Variants in ADAM22 observed in about 807,000 individuals in gnomAD.
ADAM22 encodes ADAM metallopeptidase domain 22, also known as disintegrin and metalloproteinase domain-containing protein 22.
A neutral mutation model predicts 144.6 loss-of-function variants in ADAM22; 65 were observed. The ratio of observed to expected loss-of-function variants is 0.45; its 90% confidence interval spans 0.37 to 0.55. The LOEUF (loss-of-function observed/expected upper bound fraction) is 0.55, where lower values mean the gene tolerates loss of function less well. Ranked by LOEUF, ADAM22 falls within the 20% of genes least tolerant of loss-of-function variation. The probability of loss-of-function intolerance (pLI) is 0.00; values close to 1 mark genes in which losing one functional copy is unlikely to be tolerated. For synonymous variants in ADAM22, 391 were observed against 412.6 expected (o/e 0.95, Z 0.63); for missense variants, 974 against 1,184.9 (o/e 0.82, Z 2.61).
At chr7:88,118,980 A>G (rs545013352) in intron 7 of ADAM22, among the ~76,000 whole-genome samples, 1 of 152,382 alleles carries the variant, frequency 6.6e-6, no homozygotes, top group East Asian at 1.9e-4. Flanking sequence ...TATAGATTAC[A>G]TAAAGTTTAA....
chr7:88,164,863 AGCCAG>A (rs1413515687), intron 23 of ADAM22, among the ~76,000 whole-genome samples: 1 of 152,144 alleles, frequency 6.6e-6, no homozygotes, highest in African/African-American at 2.4e-5. Flanking sequence ...TGCTTGAAGA[AGCCAG>A]GCGACCTGAT....
chr7:88,055,327 G>A (rs1418534507), intron 3 of ADAM22, among the ~76,000 whole-genome samples: 1 of 151,768 alleles, frequency 6.6e-6, no homozygotes, highest in Non-Finnish European at 1.5e-5. Flanking sequence ...GGGTCAGGAA[G>A]TAGAGATCAG....
intron 30 of ADAM22, among the ~76,000 whole-genome samples, chr7:88,192,844 ATTC>A (rs1849914280): frequency 6.6e-6 from 1 of 152,156 alleles, no homozygotes; most frequent in Non-Finnish European, 1.5e-5. Context: ...CTTTTTATCT[ATTC>A]TATAGGATAC....
At position 88,196,741 on chromosome 7, in the gene ADAM22, G is replaced by T. The variant is rs1333291979; in HGVS notation, c.*250G>T. The T allele has an allele frequency of 9.5e-6, 5 of 524,442 alleles. No individual in the cohort carries two copies. The East Asian group carries it at 1.6e-4, about 16-fold the overall frequency. The allele number at this position is 524,442 out of a possible 1,614,324, so 32.5% of individuals were successfully genotyped here. On this transcript the variant is annotated 3_prime_UTR_variant, in exon 32 of 32. Transcript: ENST00000413139. ...TATAACATGGAACAATAAAGGTACT[G>T]GTATGTTAATGGATAATCCGCATGA...
At chr7:88,075,992 A>AAAAC (rs1392630476) in intron 4 of ADAM22, among the ~76,000 whole-genome samples, 4 of 152,072 alleles carry the variant, frequency 2.6e-5, no homozygotes, top group African/African-American at 9.7e-5. Context: ...TTTAATGGCA[A>AAAAC]AAACCCCAAT....
chr7:88,181,459 C>T, intron 27 of ADAM22, 46 bp from the exon 28 acceptor site: 1 of 1,526,386 alleles, frequency 6.6e-7, no homozygotes, highest in Non-Finnish European at 9.1e-7. Context: ...TCAAAACATT[C>T]ATTTGGTTAC....
chr7:87,934,564 C>A lies in ADAM22; in HGVS notation c.85+14C>A, dbSNP rs756394824. 6.2e-7 allele frequency: 1 copy of A among 1,602,204 alleles called. No homozygotes were observed. Among genetic ancestry groups the A allele is most frequent in the South Asian group, 1.1e-5 (1 of 89,732 alleles). ...GCGGCCAGGCAGGTAAGTTAGCCGTCCTCTGTGCCTTTGGGCCATACCATT... is the reference window on the plus strand; with the variant it reads ...GCGGCCAGGCAGGTAAGTTAGCCGTACTCTGTGCCTTTGGGCCATACCATT... On this transcript the variant is annotated intron_variant, in intron 1 of 31. Transcript: ENST00000413139.
chr7:87,956,034 C>G (rs1348312396), intron 2 of ADAM22, among the ~76,000 whole-genome samples: 2 of 152,194 alleles, frequency 1.3e-5, no homozygotes, highest in Admixed American at 1.3e-4. Context: ...GTCTGTCACC[C>G]CTTTCCTTGA....
intron 4 of ADAM22, among the ~76,000 whole-genome samples, chr7:88,078,031 G>A (rs895263754): frequency 2.6e-5 from 4 of 152,184 alleles, no homozygotes; most frequent in South Asian, 2.1e-4. Context: ...ATCTGAGAAC[G>A]GGCAGAATGC....
intron 3 of ADAM22, among the ~76,000 whole-genome samples, chr7:88,002,718 A>G (rs1792866965): frequency 6.6e-6 from 1 of 152,226 alleles, no homozygotes. Flanking sequence ...ATCTGGGTGA[A>G]GAAGAACCTT....
chr7:88,035,421 A>G (rs924960829), intron 3 of ADAM22, among the ~76,000 whole-genome samples: 1 of 152,162 alleles, frequency 6.6e-6, no homozygotes. Flanking sequence ...AGGGGTGGGG[A>G]TAGTATTATC....
intron 2 of ADAM22, among the ~76,000 whole-genome samples, chr7:87,975,442 T>C (rs1171406316): frequency 6.6e-6 from 1 of 152,190 alleles, no homozygotes; most frequent in African/African-American, 2.4e-5. Flanking sequence ...AATCAATCTG[T>C]ATATAGTCTA....
intron 3 of ADAM22, among the ~76,000 whole-genome samples, chr7:88,059,377 C>T (rs1166071360): frequency 1.3e-5 from 2 of 151,968 alleles, no homozygotes; most frequent in African/African-American, 2.4e-5. Flanking sequence ...TCAGTTGAAA[C>T]AATGAAAAAT....
chr7:88,132,596 T>C (rs1053674802), intron 11 of ADAM22: 9 of 258,786 alleles, frequency 3.5e-5, no homozygotes, highest in Middle Eastern at 1.2e-3. Context: ...AGTGATTTTG[T>C]GTCTGTCTCA....
intron 5 of ADAM22, among the ~76,000 whole-genome samples, chr7:88,110,264 A>T (rs979624284): frequency 6.6e-6 from 1 of 152,196 alleles, no homozygotes; most frequent in Non-Finnish European, 1.5e-5. Flanking sequence ...AGACAAGCAC[A>T]TCTGTCACCT....
intron 3 of ADAM22, among the ~76,000 whole-genome samples, chr7:88,020,598 G>A (rs1012332337): frequency 2.6e-5 from 4 of 152,140 alleles, no homozygotes; most frequent in African/African-American, 7.2e-5. Context: ...CACCCTGACA[G>A]TACCACTTCT....
At chr7:88,105,930 C>T (rs1344841450) in intron 4 of ADAM22, among the ~76,000 whole-genome samples, 1 of 152,112 alleles carries the variant, frequency 6.6e-6, no homozygotes, top group East Asian at 1.9e-4. Flanking sequence ...ACTCTAAACT[C>T]TTTATGTCTA....
At chr7:88,050,449 T>C (rs76832117) in intron 3 of ADAM22, among the ~76,000 whole-genome samples, 1,257 of 125,238 alleles carry the variant, frequency 0.01, 9 homozygotes, top group Non-Finnish European at 0.016. Flanking sequence ...AATGAGAAAA[T>C]GCCCAGAGTC....
chr7:88,077,730 G>A (rs573053244), intron 4 of ADAM22, among the ~76,000 whole-genome samples: 82 of 152,280 alleles, frequency 5.4e-4, no homozygotes, highest in Non-Finnish European at 1.2e-4. Context: ...CTACACCCAC[G>A]GAGTCTCGCT....
Sources: allele counts gnomAD v4.1 joint callset (sites outside exome capture counted in the v4.1 genomes callset), GRCh38; gene constraint gnomAD v4.1.1; transcripts MANE v1.5; gene names NCBI Gene and HGNC (gene_info 2026-07-23, HGNC 2026-07-21).